Variants in INTS7 observed in about 807,000 individuals in gnomAD.
The protein encoded by INTS7 is integrator complex subunit 7, also known as chromosome 1 open reading frame 73.
Under a neutral mutation model 109.2 loss-of-function variants are expected in INTS7, and 46 were observed. The ratio of observed to expected loss-of-function variants is 0.42; its 90% CI spans 0.33 to 0.54. INTS7 has a LOEUF of 0.54. Ranked by LOEUF, INTS7 falls within the 20% of genes least tolerant of loss-of-function variation. The pLI is 0.07. For missense variants in INTS7, 929 were observed against 1,132.4 expected (o/e 0.82, Z 2.58); for synonymous variants, 412 against 402.9 (o/e 1.02, Z -0.27).
intron 4 of INTS7, among the ~76,000 whole-genome samples, chr1:212,015,810 A>G (rs908959690): frequency 1.3e-5 from 2 of 151,438 alleles, no homozygotes; most frequent in African/African-American, 4.8e-5. Context: ...TGCTCATGCC[A>G]AGATATAGAG....
At position 211,946,617 on chromosome 1, in the gene INTS7, G is replaced by A; in HGVS notation, c.2405C>T (p.Thr802Ile). Residue 802 changes from threonine to isoleucine, a missense_variant, in exon 18 of 20, where the codon ACC (threonine) becomes ATC (isoleucine). Around this residue, in one of 2 missense-constraint regions of INTS7, gnomAD observed 787 missense variants for 901.1 expected, o/e 0.87. Coordinates refer to ENST00000366994, the MANE Select transcript of INTS7 (RefSeq NM_015434.4). The surrounding 1 kb of genome is among the most constrained non-coding windows in gnomAD (Gnocchi z 4.3). ...QRYFFQKLQSTSIKLALSPSP... is the reference protein window; with the variant it reads ...QRYFFQKLQSISIKLALSPSP... Reference sequence around the variant, plus strand: ...TTCTTCCTGTATTACCTTGATGCTGGTAGACTGTAGTTTCTGGAAAAAATA... The same window carrying A: ...TTCTTCCTGTATTACCTTGATGCTGATAGACTGTAGTTTCTGGAAAAAATA... The A allele has an allele frequency of 1.9e-6, 3 of 1,597,760 alleles. No homozygotes were observed. The highest frequency in any genetic ancestry group is 2.6e-6 in the Non-Finnish European group (3 of 1,165,372).
chr1:211,960,106 C>T (rs1191149156), intron 16 of INTS7, among the ~76,000 whole-genome samples: 15 of 152,244 alleles, frequency 9.9e-5, no homozygotes, highest in Admixed American at 3.3e-4. Context: ...CCCTACCCAG[C>T]GCAGTCAGTT....
chr1:211,951,228 T>C (rs1442934421), intron 17 of INTS7, among the ~76,000 whole-genome samples: 2 of 152,194 alleles, frequency 1.3e-5, no homozygotes, highest in Admixed American at 6.5e-5. Flanking sequence ...CAAATTCGTA[T>C]GTGGAAGCTG....
chr1:211,992,131 G>T (rs1257220113), intron 7 of INTS7, among the ~76,000 whole-genome samples: 2 of 151,966 alleles, frequency 1.3e-5, no homozygotes, highest in Admixed American at 1.3e-4. Context: ...TTCACTTTTT[G>T]TTACCTAAAT....
At chr1:211,988,919 A>G (rs1256293478) in intron 7 of INTS7, among the ~76,000 whole-genome samples, 5 of 152,204 alleles carry the variant, frequency 3.3e-5, no homozygotes, top group Non-Finnish European at 7.3e-5. Context: ...TTTTCTTTCA[A>G]TGCAGTGAAC....
At chr1:211,985,634 T>G (rs1664862271) in intron 8 of INTS7, among the ~76,000 whole-genome samples, 1 of 152,182 alleles carries the variant, frequency 6.6e-6, no homozygotes, top group Admixed American at 6.5e-5. Context: ...TGCATGTAAG[T>G]CAGTTTGGTA....
chr1:211,957,335 C>G (rs2788134), intron 16 of INTS7, among the ~76,000 whole-genome samples: 1 of 152,030 alleles, frequency 6.6e-6, no homozygotes, highest in Non-Finnish European at 1.5e-5. Flanking sequence ...CACCTGAGGT[C>G]GGGAGTTTGA....
chr1:212,026,003 GC>G (rs1325799861), intron 1 of INTS7, among the ~76,000 whole-genome samples: 2 of 152,012 alleles, frequency 1.3e-5, no homozygotes, highest in African/African-American at 4.8e-5. Flanking sequence ...ACAAAAATTA[GC>G]CCAGCGTGAT....
chr1:211,973,982 C>A (rs1664289955), intron 13 of INTS7, among the ~76,000 whole-genome samples: 2 of 152,052 alleles, frequency 1.3e-5, no homozygotes, highest in South Asian at 4.2e-4. Context: ...GAATTCAATC[C>A]TTAATTATTG....
chr1:211,986,227 A>T (rs1043056941), intron 8 of INTS7, among the ~76,000 whole-genome samples: 16 of 152,138 alleles, frequency 1.1e-4, no homozygotes, highest in Non-Finnish European at 1.0e-4. Context: ...AATTTCTAGC[A>T]TGTGAATGAG....
rs2102388370 is a variant in INTS7 at position 211,952,496 on chromosome 1, ACAGT to A, written c.2316+69_2316+72del. The A allele has an allele frequency of 6.8e-6, 10 of 1,478,444 alleles. No homozygotes were observed. The South Asian group carries it at 1.1e-4, about 16-fold the overall frequency. 91.6% of individuals were successfully genotyped at this position (1,478,444 alleles called of 1,614,324 possible). A position where few individuals can be genotyped will look rare whatever the true frequency, so the allele number is the denominator to read the frequency against. ...AGAAAGGTTAATTTGTTGAACTCAC[ACAGT>A]AAGTGCCATAAATGTATGAAAAACC... On this transcript the variant is annotated intron_variant, in intron 17 of 19. Transcript: ENST00000366994.
chr1:211,945,715 C>T (rs1662819504), intron 18 of INTS7, among the ~76,000 whole-genome samples: 1 of 152,174 alleles, frequency 6.6e-6, no homozygotes, highest in Non-Finnish European at 1.5e-5. Context: ...TAAAAGTTTA[C>T]TGAAGACATT....
intron 8 of INTS7, among the ~76,000 whole-genome samples, chr1:211,984,313 T>C (rs1664797906): frequency 6.6e-6 from 1 of 152,200 alleles, no homozygotes; most frequent in African/African-American, 2.4e-5. Flanking sequence ...ACTTGTTTTT[T>C]CTTTGTTTTA....
intron 8 of INTS7, among the ~76,000 whole-genome samples, chr1:211,983,515 G>A (rs778026930): frequency 6.6e-5 from 10 of 152,084 alleles, no homozygotes; most frequent in Non-Finnish European, 1.5e-4. Flanking sequence ...TGTAACTATT[G>A]TAATTTACAG....
chr1:211,982,538 TAAGAACACTTTGAAAG>T lies in INTS7; in HGVS notation c.1132+122_1132+137del. ...AAAGTAGTCTTAAGAACACATGCTC[TAAGAACACTTTGAAAG>T]GAGTCAATTTGTAGATCAAGGCACA... On this transcript the variant is annotated intron_variant, in intron 9 of 19. Coordinates refer to ENST00000366994, the MANE Select transcript of INTS7 (RefSeq NM_015434.4). The T allele has an allele frequency of 8.2e-6, 5 of 613,484 alleles. No individual in the cohort carries two copies. The South Asian group carries it at 1.4e-4, about 17-fold the overall frequency. 38.0% of individuals were successfully genotyped at this position (613,484 alleles called of 1,614,324 possible).
intron 16 of INTS7, among the ~76,000 whole-genome samples, chr1:211,963,972 A>G (rs1328912430): frequency 2.0e-5 from 3 of 152,198 alleles, no homozygotes; most frequent in African/African-American, 7.2e-5. Context: ...TATTCAACAT[A>G]GTATTGGAAG....
chr1:212,015,319 T>A (rs556176368), intron 4 of INTS7, among the ~76,000 whole-genome samples: 28 of 152,254 alleles, frequency 1.8e-4, no homozygotes, highest in African/African-American at 5.5e-4. Flanking sequence ...TGTGTCTGTG[T>A]AGAAAGAAGT....
At chr1:212,010,522 G>C (rs973542672) in intron 5 of INTS7, among the ~76,000 whole-genome samples, 3 of 151,932 alleles carry the variant, frequency 2.0e-5, no homozygotes, top group Non-Finnish European at 4.4e-5. Flanking sequence ...CTCTCACACA[G>C]AGCAGTCTTC....
At chr1:211,968,014 A>G (rs1393310621) in intron 14 of INTS7, 33 bp from the exon 15 acceptor site, 1 of 1,171,774 alleles carries the variant, frequency 8.5e-7, no homozygotes. Context: ...ACAAACAAAC[A>G]TGCTATCATT....
Sources: gnomAD v4.1 joint callset for allele counts (sites outside exome capture counted in the v4.1 genomes callset) on GRCh38, gnomAD v4.1.1 for gene constraint, gnomAD v4.1.1 regional missense constraint, Gnocchi (gnomAD v3.1) non-coding constraint, MANE v1.5 for transcripts, NCBI Gene and HGNC (gene_info 2026-07-23, HGNC 2026-07-21) for gene names.